HEATR6: variants seen among roughly 807,000 people sequenced by gnomAD.
HEATR6 encodes the protein HEAT repeat containing 6.
In HEATR6, 106 loss-of-function variants were observed where a neutral mutation model predicts 132.8. The observed-to-expected ratio is 0.80, with a 90% CI of 0.68 to 0.94. HEATR6 has a LOEUF of 0.94. HEATR6 is among the 40% of genes least tolerant of loss of function. The probability of loss-of-function intolerance (pLI) is 0.00; values close to 1 mark genes in which losing one functional copy is unlikely to be tolerated. For synonymous variants in HEATR6, 529 were observed against 537.8 expected, an observed-to-expected ratio of 0.98 and a Z score of 0.23; for missense variants, 1,339 against 1,425.1, an observed-to-expected ratio of 0.94 and a Z score of 0.97.
In HEATR6 at chr17:60,057,614, A is replaced by G. The variant is rs73994281; in HGVS notation, c.1724-211T>C. Among the ~76,000 whole-genome samples, 656 of 152,324 alleles carry G rather than the reference A, an allele frequency of 4.3e-3. 3 individuals are homozygous for G. The highest frequency in any genetic ancestry group is 0.015 in the African/African-American group (613 of 41,578). The stretch of plus-strand genomic sequence containing the variant: ...ATCTGACAAATTGAGAATGTGATTT[A>G]TTTTGTTATCTTTGGTGACAGAGCT... On this transcript the variant is annotated intron_variant, in intron 11 of 19. Coordinates refer to ENST00000184956, the MANE Select transcript of HEATR6 (RefSeq NM_022070.5).
intron 7 of HEATR6, among the ~76,000 whole-genome samples, chr17:60,068,617 C>G (rs182205211): frequency 4.0e-5 from 6 of 150,826 alleles, no homozygotes; most frequent in African/African-American, 1.5e-4. Context: ...ACAACGGCTC[C>G]ACTCTTTCTC....
rs117309766 is a variant in HEATR6 at position 60,057,170 on chromosome 17, G to A, written c.1957C>T (p.Leu653Phe). 45 of 1,614,174 alleles carry A rather than the reference G, an allele frequency of 2.8e-5. No homozygotes were observed. The East Asian group carries it at 9.8e-4, about 35-fold the overall frequency. The stretch of plus-strand genomic sequence containing the variant: ...ACAATGGAAATGCAGAGTCGAATGA[G>A]CCAGCAGGGCTCTGAAGACCCCTTA... ...SPKGSSEPCW[L>F]IRLCISIVVL... is the part of the protein sequence containing the mutation. Residue 653 changes from leucine to phenylalanine, a missense_variant, in exon 12 of 20, where the codon CTC becomes TTC. Transcript: ENST00000184956.
At chr17:60,069,881 C>T (rs756961912) in intron 6 of HEATR6, 33 bp from the exon 7 acceptor site, 7 of 1,603,056 alleles carry the variant, frequency 4.4e-6, no homozygotes, top group Non-Finnish European at 6.0e-6. Flanking sequence ...CACACACACA[C>T]ACGAAACCAA....
chr17:60,049,005 T>TATATA (rs1555666976), intron 16 of HEATR6, among the ~76,000 whole-genome samples: 4 of 134,946 alleles, frequency 3.0e-5, no homozygotes, highest in African/African-American at 1.1e-4. Flanking sequence ...TATATATATA[T>TATATA]ATATATATAT....
intron 5 of HEATR6, among the ~76,000 whole-genome samples, chr17:60,071,846 A>T (rs569643851): frequency 2.8e-4 from 42 of 152,354 alleles, no homozygotes; most frequent in African/African-American, 1.0e-3. Context: ...AATTTAAAAG[A>T]TGTTAATAAA....
intron 9 of HEATR6, among the ~76,000 whole-genome samples, chr17:60,060,329 C>T (rs910102891): frequency 2.6e-5 from 4 of 152,018 alleles, no homozygotes; most frequent in Non-Finnish European, 4.4e-5. Context: ...ACCTAGGCTG[C>T]AGTGCAGTGG....
chr17:60,078,905 C>T lies in HEATR6; in HGVS notation c.10G>A (p.Val4Met). 7.5e-7 allele frequency: 1 copy of T among 1,326,894 alleles called. No individual in the cohort carries two copies. The highest frequency in any genetic ancestry group is 1.0e-6 in the Non-Finnish European group (1 of 1,000,854). The allele number at this position is 1,326,894 out of a possible 1,614,324, so 82.2% of individuals were successfully genotyped here. A position where few individuals can be genotyped will look rare whatever the true frequency, so the allele number is the denominator to read the frequency against. ...GAAGGCCACGAACCGACAACTTGCA[C>T]AGCAGCCATCTTTTCTACGGGCGGG... MAA[V>M]QVVGSWPSVQ... Residue 4 changes from valine (V) to methionine (M), a missense_variant, in exon 1 of 20, where the codon GTG (valine) becomes ATG (methionine). Transcript: ENST00000184956.
At chr17:60,046,296 A>T (rs1906365512) in intron 18 of HEATR6, 67 bp from the exon 19 acceptor site, 1 of 1,338,746 alleles carries the variant, frequency 7.5e-7, no homozygotes, top group African/African-American at 1.5e-5. Flanking sequence ...GTCTAATTTC[A>T]GCTTTAAAAA....
chr17:60,049,232 G>A (rs566667671), intron 16 of HEATR6, among the ~76,000 whole-genome samples: 77 of 151,160 alleles, frequency 5.1e-4, no homozygotes, highest in African/African-American at 1.8e-3. Context: ...AGGCTCAAGT[G>A]AGCCTCCCAT....
At chr17:60,072,914 G>T (rs537590614) in intron 4 of HEATR6, among the ~76,000 whole-genome samples, 15 of 152,124 alleles carry the variant, frequency 9.9e-5, no homozygotes, top group Non-Finnish European at 2.2e-4. Flanking sequence ...ACAAAATTTT[G>T]ACATACTGCA....
intron 2 of HEATR6, chr17:60,075,507 G>A (rs2083291785): frequency 6.6e-6 from 1 of 152,034 alleles, no homozygotes; most frequent in African/African-American, 2.4e-5. Context: ...TAAATAACTG[G>A]GGTCTTTTTA....
chr17:60,078,160 G>C, intron 1 of HEATR6, among the ~76,000 whole-genome samples: 1 of 152,190 alleles, frequency 6.6e-6, no homozygotes, highest in East Asian at 1.9e-4. Context: ...TTAATTTAAG[G>C]CCTGATGTGT....
chr17:60,049,120 A>AGTGTGTGTGTGTGTGT (rs1555667018), intron 16 of HEATR6, among the ~76,000 whole-genome samples: 1 of 128,734 alleles, frequency 7.8e-6, no homozygotes, highest in African/African-American at 3.6e-5. Context: ...AGAGAGACAG[A>AGTGTGTGTGTGTGTGT]GAGTGTGTGT....
rs926755121 is a variant in HEATR6 at position 60,041,761 on chromosome 17, A to G, written c.*1802T>C. On this transcript the variant is annotated 3_prime_UTR_variant, in exon 20 of 20. Coordinates refer to ENST00000184956, the MANE Select transcript of HEATR6 (RefSeq NM_022070.5). ...AGTTTCTGAGCAGCCAACATGTCAG[A>G]GGCAGGAAAACAGCAGCTAAAAGGC... Among the ~76,000 whole-genome samples the G allele has an allele frequency of 1.3e-5, 2 of 152,192 alleles. No individual in the cohort carries two copies. The highest frequency in any genetic ancestry group is 2.1e-4 in the South Asian group (1 of 4,828).
Position 60,046,231 on chromosome 17 carries a change from T to TAAAAAAAA in HEATR6, c.2770-3_2770-2insTTTTTTTT. On this transcript the variant is annotated splice_polypyrimidine_tract_variant and splice_region_variant and intron_variant, in intron 18 of 19. Coordinates refer to ENST00000184956, the MANE Select transcript of HEATR6 (RefSeq NM_022070.5). ...GGCCCGGACTGCATTGCTTTTTACC[T>TAAAAAAAA]AGAAAAAATGTAAATGCTTTAGAAA... is the stretch of plus-strand genomic sequence containing the variant. 6.3e-7 allele frequency: 1 copy of TAAAAAAAA among 1,584,848 alleles called. No individual in the cohort carries two copies. Among genetic ancestry groups the TAAAAAAAA allele is most frequent in the Admixed American group, 1.9e-5 (1 of 53,640 alleles).
At chr17:60,054,077 C>T (rs977916715) in intron 14 of HEATR6, among the ~76,000 whole-genome samples, 1 of 152,214 alleles carries the variant, frequency 6.6e-6, no homozygotes, top group Non-Finnish European at 1.5e-5. Flanking sequence ...CACCCAGAGG[C>T]CTAGGAGGAA....
In HEATR6 at chr17:60,059,466, A is replaced by G. The variant is rs769529148; in HGVS notation, c.1679T>C (p.Leu560Pro). 4.3e-6 allele frequency: 7 copies of G among 1,613,914 alleles called. No individual in the cohort carries two copies. Among genetic ancestry groups the G allele is most frequent in the South Asian group, 2.2e-5 (2 of 91,028 alleles). The change falls in exon 11 of 20, where the codon CTG (leucine) becomes CCG (proline). Residue 560 changes from leucine to proline, a missense_variant. By Grantham distance (98) the Leu-to-Pro change is moderately conservative. Coordinates refer to ENST00000184956, the MANE Select transcript of HEATR6 (RefSeq NM_022070.5). ...APYDRLKLSL[L>P]TKVWNQIKPY... ...CTTTATCTGGTTCCAGACTTTGGTCAGCAGGCTGAGTTTTAGACGATCATA... is the reference window on the plus strand; with the variant it reads ...CTTTATCTGGTTCCAGACTTTGGTCGGCAGGCTGAGTTTTAGACGATCATA...
At chr17:60,053,317 G>A (rs1479274364) in intron 14 of HEATR6, among the ~76,000 whole-genome samples, 3 of 152,160 alleles carry the variant, frequency 2.0e-5, no homozygotes, top group Non-Finnish European at 4.4e-5. Flanking sequence ...CATGCTTCTC[G>A]TATAGCCTGC....
At chr17:60,057,974 G>A (rs1048951192) in intron 11 of HEATR6, among the ~76,000 whole-genome samples, 13 of 152,034 alleles carry the variant, frequency 8.6e-5, no homozygotes, top group African/African-American at 3.1e-4. Context: ...TGATCTGTTT[G>A]TCTCTTCCTT....
Sources: gnomAD v4.1 joint callset for allele counts (sites outside exome capture counted in the v4.1 genomes callset) on GRCh38, gnomAD v4.1.1 for gene constraint, MANE v1.5 for transcripts, NCBI Gene and HGNC (gene_info 2026-07-23, HGNC 2026-07-21) for gene names.